CLIP2: variants seen among roughly 807,000 people sequenced by gnomAD.
CLIP2 encodes the protein CAP-Gly domain containing linker protein 2.
In CLIP2, 41 loss-of-function variants were observed where a neutral mutation model predicts 111.7. The ratio of observed to expected loss-of-function variants is 0.37; its 90% CI spans 0.29 to 0.48. The LOEUF (loss-of-function observed/expected upper bound fraction) is 0.48, where lower values mean the gene tolerates loss of function less well. Ranked by LOEUF, CLIP2 falls within the 20% of genes least tolerant of loss-of-function variation. The probability of loss-of-function intolerance (pLI) is 0.99; values close to 1 mark genes in which losing one functional copy is unlikely to be tolerated. For missense variants in CLIP2, 1,160 were observed against 1,422.1 expected (o/e 0.82, Z 2.96); for synonymous variants, 660 against 644.2 (o/e 1.02, Z -0.37).
chr7:74,374,391 T>C (rs1554312421), intron 9 of CLIP2, among the ~76,000 whole-genome samples: 2 of 152,188 alleles, frequency 1.3e-5, no homozygotes, highest in African/African-American at 4.8e-5. Flanking sequence ...CAAATGCATC[T>C]TGATCTAGGG....
At chr7:74,302,226 A>AT (rs1265490393) in intron 1 of CLIP2, among the ~76,000 whole-genome samples, 1 of 151,550 alleles carries the variant, frequency 6.6e-6, no homozygotes, top group African/African-American at 2.4e-5. Context: ...TATTTTAAAA[A>AT]TTTTTTTGAA....
chr7:74,363,537 C>T (rs1356856162), intron 7 of CLIP2, among the ~76,000 whole-genome samples: 5 of 152,190 alleles, frequency 3.3e-5, no homozygotes, highest in African/African-American at 1.2e-4. Flanking sequence ...CTCTCCTTTC[C>T]TTCCTCCCCA....
At chr7:74,363,715 T>C (rs2116624818) in intron 7 of CLIP2, among the ~76,000 whole-genome samples, 1 of 152,130 alleles carries the variant, frequency 6.6e-6, no homozygotes, top group East Asian at 1.9e-4. Context: ...TAAAACCCTG[T>C]CTCTACTAAA....
At chr7:74,309,769 A>G (rs1021255884) in intron 1 of CLIP2, among the ~76,000 whole-genome samples, 6 of 151,680 alleles carry the variant, frequency 4.0e-5, no homozygotes, top group Non-Finnish European at 8.8e-5. Flanking sequence ...GAGACAGGAG[A>G]ATCGCTTGAA....
At chr7:74,370,247 G>C (rs1296912223) in intron 8 of CLIP2, among the ~76,000 whole-genome samples, 3 of 151,422 alleles carry the variant, frequency 2.0e-5, no homozygotes, top group Non-Finnish European at 4.4e-5. Context: ...ACGAGGTCAG[G>C]GGATCGAAAC....
intron 13 of CLIP2, among the ~76,000 whole-genome samples, chr7:74,390,161 AG>A (rs1326414948): frequency 0.016 from 691 of 42,736 alleles, 5 homozygotes; most frequent in African/African-American, 0.035. Context: ...AAAGAAAGAA[AG>A]AAGAAAGAAA....
chr7:74,299,627 C>T (rs1788269943), intron 1 of CLIP2, among the ~76,000 whole-genome samples: 1 of 152,198 alleles, frequency 6.6e-6, no homozygotes, highest in Non-Finnish European at 1.5e-5. Context: ...TCAGCCTCTT[C>T]CCCAGCCCTT....
At position 74,322,484 on chromosome 7, in the gene CLIP2, T is replaced by G. The variant is rs931030601; in HGVS notation, c.121+4817T>G. Among the ~76,000 whole-genome samples the G allele has an allele frequency of 4.6e-5, 7 of 151,992 alleles. No homozygotes were observed. In the South Asian group the frequency reaches 1.5e-3, roughly 32 times the overall value. On this transcript the variant is annotated intron_variant, in intron 2 of 16. Transcript: ENST00000223398. ...TTAGCCTGGCATGGTGGTGGATGCCTGTAATCCCAGCTACCCAAGAGGCAG... is the reference window on the plus strand; with the variant it reads ...TTAGCCTGGCATGGTGGTGGATGCCGGTAATCCCAGCTACCCAAGAGGCAG...
chr7:74,294,382 G>A (rs1554725812), intron 1 of CLIP2, among the ~76,000 whole-genome samples: 1 of 152,174 alleles, frequency 6.6e-6, no homozygotes, highest in Non-Finnish European at 1.5e-5. Context: ...CAGGCCAGAT[G>A]GTTTTTATTA....
intron 11 of CLIP2, chr7:74,381,116 A>C (rs927099750): frequency 3.2e-6 from 1 of 309,166 alleles, no homozygotes; most frequent in African/African-American, 2.2e-5. Context: ...AGTAAACTTA[A>C]TGGAATATCA....
chr7:74,369,076 T>C (rs1215060881), intron 8 of CLIP2, among the ~76,000 whole-genome samples: 4 of 152,038 alleles, frequency 2.6e-5, no homozygotes, highest in Non-Finnish European at 5.9e-5. Context: ...TCTGGCTGGA[T>C]GTGGTGGCTC....
At chr7:74,352,304 G>A (rs1331413785) in intron 3 of CLIP2, among the ~76,000 whole-genome samples, 1 of 152,044 alleles carries the variant, frequency 6.6e-6, no homozygotes, top group African/African-American at 2.4e-5. Flanking sequence ...GGGCATGGTG[G>A]TGCATGCCTG....
intron 1 of CLIP2, among the ~76,000 whole-genome samples, chr7:74,305,564 G>C (rs1788455183): frequency 6.6e-6 from 1 of 152,166 alleles, no homozygotes; most frequent in African/African-American, 2.4e-5. Flanking sequence ...CACCATCTCA[G>C]CTCACTGCAA....
intron 10 of CLIP2, among the ~76,000 whole-genome samples, chr7:74,379,164 C>G (rs1790872017): frequency 6.6e-6 from 1 of 152,024 alleles, no homozygotes; most frequent in Non-Finnish European, 1.5e-5. Flanking sequence ...AGTAGTGGCC[C>G]CAGAAAGCCC....
At chr7:74,334,619 G>A (rs782071830) in intron 2 of CLIP2, among the ~76,000 whole-genome samples, 1 of 152,102 alleles carries the variant, frequency 6.6e-6, no homozygotes, top group Non-Finnish European at 1.5e-5. Context: ...GCATAGGAAA[G>A]TGCCCTAGAA....
intron 3 of CLIP2, among the ~76,000 whole-genome samples, chr7:74,341,919 C>A (rs1789666682): frequency 6.6e-6 from 1 of 152,164 alleles, no homozygotes; most frequent in Non-Finnish European, 1.5e-5. Flanking sequence ...ACAGAGTCTG[C>A]CAAGTGTGCT....
chr7:74,299,213 T>C (rs1788254672), intron 1 of CLIP2, among the ~76,000 whole-genome samples: 2 of 152,054 alleles, frequency 1.3e-5, no homozygotes, highest in African/African-American at 4.8e-5. Flanking sequence ...TAATCCCAGC[T>C]ACTCAGGAGG....
chr7:74,357,172 A>T, intron 5 of CLIP2, 108 bp from the exon 6 acceptor site: 1 of 935,496 alleles, frequency 1.1e-6, no homozygotes. Flanking sequence ...GAGTCAAGGC[A>T]CTTGGGCTCC....
chr7:74,339,140 A>T, intron 3 of CLIP2, 136 bp downstream of exon 3: 2 of 733,480 alleles, frequency 2.7e-6, no homozygotes, highest in South Asian at 3.7e-5. Flanking sequence ...CCAGCCTGGG[A>T]CACCCATTCC....
Sources: gnomAD v4.1 joint callset for allele counts (sites outside exome capture counted in the v4.1 genomes callset) on GRCh38, gnomAD v4.1.1 for gene constraint, MANE v1.5 for transcripts, NCBI Gene and HGNC (gene_info 2026-07-23, HGNC 2026-07-21) for gene names.